DTL: variants seen among roughly 807,000 people sequenced by gnomAD.
DTL encodes the protein denticleless protein homolog.
Under a neutral mutation model 87.0 loss-of-function variants are expected in DTL, and 46 were observed. That is an observed-to-expected ratio of 0.53 (90% CI 0.42 to 0.68). The LOEUF (loss-of-function observed/expected upper bound fraction) is 0.68. DTL is among the 30% of genes least tolerant of loss of function. The pLI is 0.00. For synonymous variants in DTL, 308 were observed against 311.2 expected, an observed-to-expected ratio of 0.99 and a Z score of 0.11; for missense variants, 737 against 869.4, an observed-to-expected ratio of 0.85 and a Z score of 1.91.
chr1:212,037,739 C>T (rs1375035058), intron 1 of DTL, among the ~76,000 whole-genome samples: 2 of 152,108 alleles, frequency 1.3e-5, no homozygotes, highest in African/African-American at 4.8e-5. Flanking sequence ...GGTGTATCAG[C>T]GAGTGACCTC....
intron 5 of DTL, among the ~76,000 whole-genome samples, chr1:212,048,628 T>C (rs3010019): frequency 0.046 from 7,001 of 152,308 alleles, 224 homozygotes; most frequent in African/African-American, 0.083. Flanking sequence ...GAAAAACTTA[T>C]CAGTGGTGTC....
At chr1:212,071,929 G>C (rs1171558109) in intron 10 of DTL, 172 bp from the exon 11 acceptor site, 4 of 514,770 alleles carry the variant, frequency 7.8e-6, no homozygotes, top group African/African-American at 7.7e-5. Context: ...TCCTTCTAGG[G>C]TTTTGTTTTT....
intron 13 of DTL, among the ~76,000 whole-genome samples, chr1:212,093,583 T>A (rs748977945): frequency 1.1e-4 from 17 of 152,284 alleles, no homozygotes; most frequent in Non-Finnish European, 2.5e-4. Context: ...CCGACCAAAC[T>A]GCATCATTCC....
chr1:212,087,540 ACT>A (rs1247022980), intron 13 of DTL, among the ~76,000 whole-genome samples: 7 of 150,314 alleles, frequency 4.7e-5, no homozygotes, highest in Admixed American at 4.6e-4. Flanking sequence ...ACAGATCAAA[ACT>A]CTGTCTCAAA....
chr1:212,080,148 C>T (rs1654948473), intron 12 of DTL, among the ~76,000 whole-genome samples: 1 of 152,192 alleles, frequency 6.6e-6, no homozygotes, highest in Non-Finnish European at 1.5e-5. Context: ...TCACAGCCTA[C>T]TAGAGTCATG....
At chr1:212,055,371 T>C in intron 5 of DTL, among the ~76,000 whole-genome samples, 1 of 152,108 alleles carries the variant, frequency 6.6e-6, no homozygotes, top group Non-Finnish European at 1.5e-5. Flanking sequence ...CATGAAGGCA[T>C]TGCTCCAGAG....
chr1:212,078,052 C>T, intron 11 of DTL, 121 bp from the exon 12 acceptor site: 1 of 525,802 alleles, frequency 1.9e-6, no homozygotes. Context: ...TATAGCTAGG[C>T]AGGTCTAGTG....
intron 1 of DTL, among the ~76,000 whole-genome samples, chr1:212,037,295 C>G (rs1293479694): frequency 6.6e-6 from 1 of 152,206 alleles, no homozygotes; most frequent in Non-Finnish European, 1.5e-5. Flanking sequence ...ACATAATAGT[C>G]ACTGAAATTC....
intron 1 of DTL, among the ~76,000 whole-genome samples, chr1:212,040,231 A>G (rs1296240836): frequency 6.6e-6 from 1 of 152,208 alleles, no homozygotes; most frequent in Non-Finnish European, 1.5e-5. Flanking sequence ...ACTAAGACAC[A>G]ATAGGAATTT....
chr1:212,068,119 A>C, intron 8 of DTL, 105 bp from the exon 9 acceptor site: 1 of 666,890 alleles, frequency 1.5e-6, no homozygotes. Context: ...TACCTAGTTA[A>C]TGTGCCAGAG....
chr1:212,047,367 A>G lies in DTL; in HGVS notation c.410A>G (p.Lys137Arg), dbSNP rs540781338. Residue 137 changes from lysine to arginine, a missense_variant, in exon 5 of 15, where the codon AAA (lysine) becomes AGA (arginine). Transcript: ENST00000366991. ...VKAGELIGTC[K>R]GHQCSLKSVA... is the part of the protein sequence containing the mutation. ...GCTGGTGAGCTGATTGGAACATGCAAAGGTCATCAATGCAGCCTCAAGTCA... is the reference window on the plus strand; with the variant it reads ...GCTGGTGAGCTGATTGGAACATGCAGAGGTCATCAATGCAGCCTCAAGTCA... The G allele has an allele frequency of 1.2e-6, 2 of 1,614,230 alleles. No individual in the cohort carries two copies. Among genetic ancestry groups the G allele is most frequent in the Non-Finnish European group, 8.5e-7 (1 of 1,180,042 alleles).
chr1:212,062,416 G>A (rs1224644787), intron 5 of DTL, among the ~76,000 whole-genome samples: 1 of 118,888 alleles, frequency 8.4e-6, no homozygotes, highest in African/African-American at 3.4e-5. Context: ...AGCCAATACA[G>A]TTTAGAGGTT....
In DTL at chr1:212,042,952, G is replaced by A. The variant is rs781752197; in HGVS notation, c.53-41G>A. ...GAATTTGTTAAAAATGCTGAAATGT[G>A]ATGCTGTATTGGAATTCTATAAGGA... On this transcript the variant is annotated intron_variant, in intron 1 of 14. Transcript: ENST00000366991. 1.4e-5 allele frequency: 21 copies of A among 1,533,992 alleles called. No individual in the cohort carries two copies. In the South Asian group the frequency reaches 2.7e-4, roughly 20 times the overall value.
intron 11 of DTL, chr1:212,077,639 G>A (rs1654868863): frequency 6.5e-6 from 1 of 153,674 alleles, no homozygotes; most frequent in Admixed American, 6.5e-5. Flanking sequence ...CAAGAGGACG[G>A]TCTTCTTTTG....
chr1:212,080,470 A>G, intron 12 of DTL, 145 bp from the exon 13 acceptor site: 1 of 718,776 alleles, frequency 1.4e-6, no homozygotes, highest in Non-Finnish European at 2.2e-6. Context: ...ATGGATGTAC[A>G]TGATCTTTAA....
chr1:212,045,072 A>G (rs1667769210), intron 3 of DTL, among the ~76,000 whole-genome samples: 1 of 152,168 alleles, frequency 6.6e-6, no homozygotes, highest in South Asian at 2.1e-4. Context: ...TCTCCAGGGA[A>G]CTAATAGAGT....
chr1:212,069,229 A>G (rs1654598218), intron 10 of DTL, among the ~76,000 whole-genome samples: 1 of 152,116 alleles, frequency 6.6e-6, no homozygotes, highest in Admixed American at 6.5e-5. Flanking sequence ...GATAGTTTTA[A>G]AAAGAAAACC....
At chr1:212,085,836 A>G (rs997713421) in intron 13 of DTL, among the ~76,000 whole-genome samples, 3 of 152,176 alleles carry the variant, frequency 2.0e-5, no homozygotes, top group Non-Finnish European at 2.9e-5. Context: ...TTTTTTACAT[A>G]TGGATATTTA....
intron 13 of DTL, among the ~76,000 whole-genome samples, chr1:212,098,472 C>G (rs147192118): frequency 2.8e-4 from 42 of 152,058 alleles, no homozygotes; most frequent in African/African-American, 9.4e-4. Context: ...TGAGCAGGGC[C>G]CCACGAGTTT....
Sources: gnomAD v4.1 joint callset for allele counts (sites outside exome capture counted in the v4.1 genomes callset) on GRCh38, gnomAD v4.1.1 for gene constraint, MANE v1.5 for transcripts, NCBI Gene and HGNC (gene_info 2026-07-23, HGNC 2026-07-21) for gene names.